Variants in SLC66A2 observed in about 807,000 individuals in gnomAD.
The protein encoded by SLC66A2 is solute carrier family 66 member 2.
A neutral mutation model predicts 25.5 loss-of-function variants in SLC66A2; 23 were observed. The ratio of observed to expected loss-of-function variants is 0.90; its 90% CI spans 0.65 to 1.28. The LOEUF (loss-of-function observed/expected upper bound fraction) is 1.28. Among genes scored for constraint, SLC66A2 ranks in the 50% most tolerant of loss-of-function variants. SLC66A2 has a pLI of 0.00. For missense variants in SLC66A2, 396 were observed against 373.1 expected, an observed-to-expected ratio of 1.06 and a Z score of -0.51; for synonymous variants, 193 against 166.5, an observed-to-expected ratio of 1.16 and a Z score of -1.23.
intron 3 of SLC66A2, among the ~76,000 whole-genome samples, chr18:79,942,887 A>G (rs1987803771): frequency 6.6e-6 from 1 of 152,192 alleles, no homozygotes; most frequent in Non-Finnish European, 1.5e-5. Flanking sequence ...TCTGTTTAAC[A>G]AGGTCTGTGA....
intron 4 of SLC66A2, among the ~76,000 whole-genome samples, chr18:79,932,103 T>C (rs551985509): frequency 4.2e-4 from 64 of 152,328 alleles, no homozygotes; most frequent in African/African-American, 1.4e-3. Flanking sequence ...GAAGACATTT[T>C]GGGATATTCA....
At chr18:79,932,607 C>G (rs1369588322) in intron 4 of SLC66A2, among the ~76,000 whole-genome samples, 2 of 152,016 alleles carry the variant, frequency 1.3e-5, no homozygotes, top group Middle Eastern at 3.2e-3. Flanking sequence ...GATCAAATTA[C>G]TAAAGTCAGG....
intron 4 of SLC66A2, among the ~76,000 whole-genome samples, chr18:79,922,817 G>A (rs1252431660): frequency 7.2e-6 from 1 of 139,384 alleles, no homozygotes; most frequent in South Asian, 2.4e-4. Flanking sequence ...GCTGAGGGGT[G>A]AGGATAGAGG....
At chr18:79,914,614 C>T (rs866199290) in intron 5 of SLC66A2, among the ~76,000 whole-genome samples, 14 of 152,324 alleles carry the variant, frequency 9.2e-5, no homozygotes, top group African/African-American at 2.6e-4. Context: ...GAACCCAGGC[C>T]GGGGAGGGCT....
In SLC66A2 at chr18:79,904,688, C is replaced by G. The variant is rs1291158918; in HGVS notation, c.609-505G>C. ...TGGAGCAGAGCAGCTGCTTTTGGGT[C>G]TCTGCCGGCCTCCCTCCCTGGTGAT... is the stretch of plus-strand genomic sequence containing the variant. On this transcript the variant is annotated intron_variant, in intron 5 of 5. Coordinates refer to ENST00000397778, the MANE Select transcript of SLC66A2 (RefSeq NM_025078.5). The surrounding 1 kb of genome is among the most constrained non-coding windows in gnomAD (Gnocchi z 6.3). 6.6e-6 allele frequency among the ~76,000 whole-genome samples: 1 copy of G among 152,176 alleles called. No homozygotes were observed. The highest frequency in any genetic ancestry group is 1.5e-5 in the Non-Finnish European group (1 of 68,016).
Position 79,950,760 on chromosome 18 carries a change from A to G in SLC66A2, c.167T>C (p.Val56Ala). ...ADGFSTYVCL[V>A]LLVANILRIL... ...CCGCAAAATGTTGGCCACCAGCAGC[A>G]CCAGGCACACGTAGGTGGAGAAGCC... Residue 56 changes from valine to alanine, a missense_variant, in exon 2 of 6, where the codon GTG becomes GCG. Transcript: ENST00000397778. The G allele has an allele frequency of 6.2e-7, 1 of 1,613,264 alleles. No homozygotes were observed. Among genetic ancestry groups the G allele is most frequent in the South Asian group, 1.1e-5 (1 of 91,090 alleles).
At position 79,941,541 on chromosome 18, in the gene SLC66A2, T is replaced by C. The variant is rs1317020080; in HGVS notation, c.337+1788A>G. 1 of 152,202 alleles carries C rather than the reference T, an allele frequency of 6.6e-6. No homozygotes were observed. The highest frequency in any genetic ancestry group is 1.5e-5 in the Non-Finnish European group (1 of 68,056). The allele number at this position is 152,202 out of a possible 1,614,324, so 9.4% of individuals were successfully genotyped here. ...TCATCCTGGGTAACCAGAAGAGAAG[T>C]ACTCCTTTGGAAGAAGTGACACAGA... On this transcript the variant is annotated intron_variant, in intron 3 of 5. Coordinates refer to ENST00000397778, the MANE Select transcript of SLC66A2 (RefSeq NM_025078.5). The surrounding 1 kb of genome is among the most constrained non-coding windows in gnomAD (Gnocchi z 4.1).
intron 4 of SLC66A2, among the ~76,000 whole-genome samples, chr18:79,929,587 A>C (rs1986356853): frequency 6.6e-6 from 1 of 152,250 alleles, no homozygotes; most frequent in Non-Finnish European, 1.5e-5. Flanking sequence ...AATAATAAGC[A>C]GGACACAAAC....
intron 3 of SLC66A2, among the ~76,000 whole-genome samples, chr18:79,935,968 A>G (rs1239504400): frequency 1.3e-5 from 2 of 152,206 alleles, no homozygotes; most frequent in Non-Finnish European, 2.9e-5. Flanking sequence ...AAGTCCTAAG[A>G]TTTGGGGTAA....
intron 4 of SLC66A2, 58 bp from the exon 5 acceptor site, chr18:79,919,458 G>C: frequency 6.8e-7 from 1 of 1,466,574 alleles, no homozygotes; most frequent in Non-Finnish European, 9.5e-7. Context: ...GAGGAGTCAA[G>C]GTCAGTGGGG....
chr18:79,911,859 G>A (rs1391007575), intron 5 of SLC66A2, among the ~76,000 whole-genome samples: 23 of 123,878 alleles, frequency 1.9e-4, no homozygotes, highest in Non-Finnish European at 3.6e-4. Flanking sequence ...GGGAACAGTA[G>A]CAGGAGGAGA....
intron 4 of SLC66A2, among the ~76,000 whole-genome samples, chr18:79,924,036 CAAAA>C (rs1415720359): frequency 1.1e-5 from 1 of 94,910 alleles, no homozygotes; most frequent in African/African-American, 4.2e-5. Flanking sequence ...GACCTGGTCT[CAAAA>C]AAAAAAAAAA....
chr18:79,909,887 C>T (rs1286228336), intron 5 of SLC66A2, among the ~76,000 whole-genome samples: 1 of 144,480 alleles, frequency 6.9e-6, no homozygotes, highest in Non-Finnish European at 1.5e-5. Context: ...CCCAACCTTC[C>T]CCACACCCTC....
At chr18:79,910,608 G>A (rs888393009) in intron 5 of SLC66A2, among the ~76,000 whole-genome samples, 9 of 152,376 alleles carry the variant, frequency 5.9e-5, no homozygotes, top group African/African-American at 2.2e-4. Flanking sequence ...AGTTTAAGCT[G>A]TAATTTAACA....
chr18:79,910,012 ACACCCTCAC>A (rs1219399856), intron 5 of SLC66A2, among the ~76,000 whole-genome samples: 1 of 105,906 alleles, frequency 9.4e-6, no homozygotes, highest in Non-Finnish European at 1.9e-5. Context: ...AGCCTTCCCC[ACACCCTCAC>A]CAGAGTCCCC....
At chr18:79,950,254 G>A (rs183109284) in intron 2 of SLC66A2, among the ~76,000 whole-genome samples, 95 of 152,332 alleles carry the variant, frequency 6.2e-4, no homozygotes, top group Middle Eastern at 3.4e-3. Flanking sequence ...AGCTACTCGG[G>A]AGGCTGAGAT....
chr18:79,929,446 C>T (rs182749614), intron 4 of SLC66A2, among the ~76,000 whole-genome samples: 123 of 152,318 alleles, frequency 8.1e-4, no homozygotes, highest in Admixed American at 3.5e-3. Context: ...AACAGTAAGT[C>T]ATCCTTCCCC....
chr18:79,903,963 G>C lies in SLC66A2; in HGVS notation c.*13C>G. The C allele has an allele frequency of 6.3e-7, 1 of 1,585,832 alleles. No individual in the cohort carries two copies. Among genetic ancestry groups the C allele is most frequent in the Non-Finnish European group, 8.6e-7 (1 of 1,168,526 alleles). ...CCGCGGCTGGCGGTCCCACATCCTC[G>C]TCCTCCCCACTGTCAGAGGGCCTTG... On this transcript the variant is annotated 3_prime_UTR_variant, in exon 6 of 6. Coordinates refer to ENST00000397778, the MANE Select transcript of SLC66A2 (RefSeq NM_025078.5).
intron 2 of SLC66A2, among the ~76,000 whole-genome samples, chr18:79,946,528 G>A (rs146433541): frequency 5.9e-5 from 9 of 152,322 alleles, no homozygotes; most frequent in African/African-American, 9.6e-5. Flanking sequence ...CCTGCTCCTC[G>A]GGAAGCACCA....
Sources: gnomAD v4.1 joint callset for allele counts (sites outside exome capture counted in the v4.1 genomes callset) on GRCh38, gnomAD v4.1.1 for gene constraint, Gnocchi (gnomAD v3.1) non-coding constraint, MANE v1.5 for transcripts, NCBI Gene and HGNC (gene_info 2026-07-23, HGNC 2026-07-21) for gene names.